SLCO1C1: variants seen among roughly 807,000 people sequenced by gnomAD.
SLCO1C1 encodes OAT-RP-5.
A neutral mutation model predicts 76.4 loss-of-function variants in SLCO1C1; 70 were observed. The observed-to-expected ratio is 0.92, with a 90% CI of 0.76 to 1.12. The LOEUF (loss-of-function observed/expected upper bound fraction) is 1.12. Among genes scored for constraint, SLCO1C1 ranks in the 50% most tolerant of loss-of-function variants. SLCO1C1 has a pLI of 0.00. For synonymous variants in SLCO1C1, 306 were observed against 286.1 expected, an observed-to-expected ratio of 1.07 and a Z score of -0.70; for missense variants, 912 against 823.8, an observed-to-expected ratio of 1.11 and a Z score of -1.31.
At position 20,715,228 on chromosome 12, in the gene SLCO1C1, T is replaced by C; in HGVS notation, c.619T>C (p.Leu207=). The part of the protein sequence containing the change: ...RGIGETPIQP[L]GIAYLDDFAS... ...AATAGGAGAAACTCCCATTCAGCCT[T>C]TGGGCATTGCCTACCTGGATGATTT... The change falls in exon 6 of 15, where the codon TTG becomes CTG. Residue 207 remains leucine, a synonymous_variant. Transcript: ENST00000266509. 6.2e-7 allele frequency: 1 copy of C among 1,614,092 alleles called. No homozygotes were observed. Among genetic ancestry groups the C allele is most frequent in the Admixed American group, 1.7e-5 (1 of 60,024 alleles).
At chr12:20,720,952 G>A (rs545864363) in intron 7 of SLCO1C1, among the ~76,000 whole-genome samples, 53 of 143,720 alleles carry the variant, frequency 3.7e-4, no homozygotes, top group South Asian at 3.0e-3. Context: ...GGCCGAGATC[G>A]CGCCATTGCA....
chr12:20,701,064 T>C lies in SLCO1C1; in HGVS notation c.130-254T>C, dbSNP rs138650924. On this transcript the variant is annotated intron_variant, in intron 2 of 14. Coordinates refer to ENST00000266509, the MANE Select transcript of SLCO1C1 (RefSeq NM_017435.5). ...GAGCAGAGTGGAAGAAGACAAAAGA[T>C]AATTCAATACACATTTCGCATAAAA... is the stretch of plus-strand genomic sequence containing the variant. 8.7e-3 allele frequency among the ~76,000 whole-genome samples: 1,332 copies of C among 152,236 alleles called. 8 individuals are homozygous for C. The highest frequency in any genetic ancestry group is 0.011 in the Non-Finnish European group (779 of 68,000).
chr12:20,745,797 C>G (rs1172163750), intron 13 of SLCO1C1, among the ~76,000 whole-genome samples: 2 of 151,610 alleles, frequency 1.3e-5, no homozygotes, highest in East Asian at 1.9e-4. Flanking sequence ...TGCACTCCAG[C>G]CTGGGTGACA....
At chr12:20,701,900 G>C (rs1269954979) in intron 3 of SLCO1C1, among the ~76,000 whole-genome samples, 1 of 151,828 alleles carries the variant, frequency 6.6e-6, no homozygotes, top group African/African-American at 2.4e-5. Flanking sequence ...CATCATAAAA[G>C]GGATTTTTCC....
chr12:20,698,138 TTA>T (rs1298694847), intron 1 of SLCO1C1, among the ~76,000 whole-genome samples: 1 of 152,072 alleles, frequency 6.6e-6, no homozygotes, highest in East Asian at 1.9e-4. Flanking sequence ...ATGCATCTTT[TTA>T]TGTTTTATAC....
At chr12:20,699,956 A>G (rs568478770) in intron 2 of SLCO1C1, 93 of 314,570 alleles carry the variant, frequency 3.0e-4, no homozygotes, top group African/African-American at 1.9e-3. Context: ...AGAAACTAGT[A>G]TTTATTGAAC....
At chr12:20,739,603 G>A (rs78991888) in intron 11 of SLCO1C1, among the ~76,000 whole-genome samples, 4,585 of 152,230 alleles carry the variant, frequency 0.03, 243 homozygotes, top group African/African-American at 0.1. Flanking sequence ...AGGGTCATGT[G>A]TGTGGCTTAC....
intron 9 of SLCO1C1, among the ~76,000 whole-genome samples, chr12:20,725,070 ATT>A (rs1275520127): frequency 3.9e-5 from 5 of 129,254 alleles, no homozygotes; most frequent in African/African-American, 1.4e-4. Flanking sequence ...TATTATATAT[ATT>A]ATAATAAATT....
intron 10 of SLCO1C1, among the ~76,000 whole-genome samples, chr12:20,736,783 T>G (rs1189636146): frequency 6.6e-6 from 1 of 152,128 alleles, no homozygotes; most frequent in Non-Finnish European, 1.5e-5. Flanking sequence ...AAAGTTTACT[T>G]TTCTACCTTG....
chr12:20,716,585 G>A (rs2120713008), intron 6 of SLCO1C1, among the ~76,000 whole-genome samples: 1 of 152,308 alleles, frequency 6.6e-6, no homozygotes, highest in Middle Eastern at 3.4e-3. Context: ...GGCCTGAATG[G>A]TCAAGAGGGT....
intron 3 of SLCO1C1, among the ~76,000 whole-genome samples, chr12:20,705,278 C>T (rs1946718853): frequency 6.6e-6 from 1 of 151,856 alleles, no homozygotes; most frequent in African/African-American, 2.4e-5. Flanking sequence ...GATAAATGGG[C>T]ACATTTTATA....
At chr12:20,749,744 G>A (rs373322645) in intron 13 of SLCO1C1, among the ~76,000 whole-genome samples, 11 of 152,166 alleles carry the variant, frequency 7.2e-5, no homozygotes, top group Admixed American at 1.3e-4. Context: ...GTTTCCTACC[G>A]TGGTGAGCTT....
At chr12:20,699,864 C>A in intron 2 of SLCO1C1, 159 bp downstream of exon 2, 1 of 717,220 alleles carries the variant, frequency 1.4e-6, no homozygotes, top group Non-Finnish European at 2.1e-6. Context: ...GCGGTGCAAG[C>A]AATCTCTACC....
chr12:20,750,773 T>C lies in SLCO1C1; in HGVS notation c.1897T>C (p.Tyr633His), dbSNP rs1211070216. The C allele has an allele frequency of 1.9e-6, 3 of 1,613,888 alleles. No homozygotes were observed. The highest frequency in any genetic ancestry group is 1.7e-5 in the Admixed American group (1 of 59,998). Residue 633 changes from tyrosine to histidine, a missense_variant, in exon 14 of 15, where the codon TAT becomes CAT. Transcript: ENST00000266509. Reference protein sequence around the residue: ...RCGSRGSCRLYDSNVFRHIYL... With the variant: ...RCGSRGSCRLHDSNVFRHIYL... ...TGGAAGTAGAGGATCATGCAGATTA[T>C]ATGATTCAAATGTCTTCAGGTACCA... is the stretch of plus-strand genomic sequence containing the variant.
At chr12:20,742,265 T>C (rs17326468) in intron 12 of SLCO1C1, among the ~76,000 whole-genome samples, 65,980 of 151,602 alleles carry the variant, frequency 0.44, 17,083 homozygotes, top group South Asian at 0.63. Context: ...TAACCACTAG[T>C]CCTTCATATT....
chr12:20,706,100 T>A lies in SLCO1C1; in HGVS notation c.404+19T>A. 1 of 1,587,688 alleles carries A rather than the reference T, an allele frequency of 6.3e-7. No individual in the cohort carries two copies. The highest frequency in any genetic ancestry group is 8.6e-7 in the Non-Finnish European group (1 of 1,167,670). ...TGGAGCAGTAAGTCTAAAGCAATCA[T>A]CTTTTCCTTGCCTTTCCAAACAACT... On this transcript the variant is annotated intron_variant, in intron 4 of 14. Transcript: ENST00000266509.
intron 10 of SLCO1C1, among the ~76,000 whole-genome samples, chr12:20,735,749 T>C (rs1948508282): frequency 6.6e-6 from 1 of 152,176 alleles, no homozygotes; most frequent in Non-Finnish European, 1.5e-5. Context: ...ATGGTTGCCA[T>C]CATTAATGAC....
intron 3 of SLCO1C1, among the ~76,000 whole-genome samples, chr12:20,704,731 A>ATAGC (rs1946694525): frequency 6.6e-6 from 1 of 151,584 alleles, no homozygotes; most frequent in Non-Finnish European, 1.5e-5. Context: ...TTGCTTACAG[A>ATAGC]TGTAGGGAAA....
chr12:20,699,850 C>A (rs1278354239), intron 2 of SLCO1C1, 145 bp downstream of exon 2: 1 of 941,878 alleles, frequency 1.1e-6, no homozygotes, highest in Non-Finnish European at 1.5e-6. Flanking sequence ...CCACACCTTG[C>A]CAGGCGGTGC....
Sources: allele counts gnomAD v4.1 joint callset (sites outside exome capture counted in the v4.1 genomes callset), GRCh38; gene constraint gnomAD v4.1.1; transcripts MANE v1.5; gene names NCBI Gene and HGNC (gene_info 2026-07-23, HGNC 2026-07-21).